The following ARHGAP18 variants were observed in gnomAD, a reference collection of about 807,000 sequenced individuals.
ARHGAP18 encodes the protein rho GTPase-activating protein 18.
Under a neutral mutation model 86.2 loss-of-function variants are expected in ARHGAP18, and 67 were observed. The observed-to-expected ratio is 0.78, with a 90% CI of 0.64 to 0.95. The LOEUF is 0.95. Among genes scored for constraint, ARHGAP18 ranks in the 40% least tolerant of loss-of-function variants. The pLI, the probability that ARHGAP18 is intolerant of heterozygous loss-of-function variation, is 0.00. For missense variants in ARHGAP18, 691 were observed against 780.4 expected (o/e 0.89, Z 1.37); for synonymous variants, 283 against 280.4 (o/e 1.01, Z -0.09).
At chr6:129,624,891 G>A (rs543087844) in intron 5 of ARHGAP18, among the ~76,000 whole-genome samples, 1 of 147,582 alleles carries the variant, frequency 6.8e-6, no homozygotes, top group South Asian at 2.1e-4. Flanking sequence ...GTTGCAGTGA[G>A]CTGAGATCAC....
intron 1 of ARHGAP18, among the ~76,000 whole-genome samples, chr6:129,701,098 T>C (rs1034332626): frequency 1.3e-5 from 2 of 152,132 alleles, no homozygotes; most frequent in Non-Finnish European, 2.9e-5. Context: ...AAAAGTTTAC[T>C]ATGACAACTC....
intron 5 of ARHGAP18, among the ~76,000 whole-genome samples, chr6:129,626,154 G>A (rs1278281904): frequency 6.8e-6 from 1 of 146,424 alleles, no homozygotes; most frequent in Non-Finnish European, 1.5e-5. Context: ...GCCATAGGGG[G>A]ACTGACTCAA....
intron 12 of ARHGAP18, among the ~76,000 whole-genome samples, chr6:129,592,311 A>G (rs1359756426): frequency 1.3e-5 from 2 of 152,208 alleles, no homozygotes; most frequent in African/African-American, 4.8e-5. Context: ...CAGAGATGCA[A>G]TTCTAAACAG....
chr6:129,708,679 G>T (rs566577082), intron 1 of ARHGAP18, among the ~76,000 whole-genome samples: 1 of 152,338 alleles, frequency 6.6e-6, no homozygotes, highest in South Asian at 2.1e-4. Context: ...AATGTCCTGA[G>T]CTTGTATAAT....
intron 1 of ARHGAP18, among the ~76,000 whole-genome samples, chr6:129,670,414 T>C (rs549539002): frequency 2.7e-4 from 41 of 152,186 alleles, no homozygotes; most frequent in Non-Finnish European, 5.4e-4. Context: ...GATGGAGAAA[T>C]TCTCTATTTC....
chr6:129,653,929 G>C (rs1773773019), intron 1 of ARHGAP18, among the ~76,000 whole-genome samples: 1 of 152,136 alleles, frequency 6.6e-6, no homozygotes, highest in Non-Finnish European at 1.5e-5. Flanking sequence ...TGTAGTCCCA[G>C]CTACTCAGGA....
chr6:129,600,984 G>T, intron 10 of ARHGAP18, 136 bp from the exon 11 acceptor site: 1 of 721,018 alleles, frequency 1.4e-6, no homozygotes, highest in Non-Finnish European at 2.2e-6. Flanking sequence ...CATCCAGCAG[G>T]CCCTGTTACC....
At chr6:129,594,216 G>A (rs1410232257) in intron 12 of ARHGAP18, among the ~76,000 whole-genome samples, 1 of 152,186 alleles carries the variant, frequency 6.6e-6, no homozygotes, top group Non-Finnish European at 1.5e-5. Flanking sequence ...CATTGACAAT[G>A]CTTTGGGGAA....
intron 1 of ARHGAP18, among the ~76,000 whole-genome samples, chr6:129,648,779 C>T (rs545786614): frequency 3.0e-4 from 45 of 149,070 alleles, no homozygotes; most frequent in African/African-American, 1.1e-3. Context: ...TCTTTCATTT[C>T]AGCAGCGATA....
At position 129,653,667 on chromosome 6, in the gene ARHGAP18, T is replaced by G. The variant is rs9402158; in HGVS notation, c.114-11649A>C. 4.6e-5 allele frequency among the ~76,000 whole-genome samples: 7 copies of G among 152,348 alleles called. No individual in the cohort carries two copies. The East Asian group carries it at 1.3e-3, about 29-fold the overall frequency. On this transcript the variant is annotated intron_variant, in intron 1 of 14. Transcript: ENST00000368149. ...CTTAAGTGAGATTATCTAAAGCCACTTTTTTCTTAGCATGTTTGAAATGCT... is the reference window on the plus strand; with the variant it reads ...CTTAAGTGAGATTATCTAAAGCCACGTTTTTCTTAGCATGTTTGAAATGCT...
intron 10 of ARHGAP18, among the ~76,000 whole-genome samples, chr6:129,602,311 T>C (rs9492350): frequency 0.035 from 5,362 of 152,240 alleles, 343 homozygotes; most frequent in African/African-American, 0.12. Flanking sequence ...CTGGTGGTCA[T>C]ACAGCTAACA....
intron 1 of ARHGAP18, among the ~76,000 whole-genome samples, chr6:129,694,998 C>T (rs551977848): frequency 6.6e-6 from 1 of 152,210 alleles, no homozygotes; most frequent in Non-Finnish European, 1.5e-5. Context: ...GCGACTATTA[C>T]AAAAAAGCCT....
Position 129,610,261 on chromosome 6 carries a change from G to C in ARHGAP18, c.1122+1272C>G, listed in dbSNP as rs115149973. Among the ~76,000 whole-genome samples the C allele has an allele frequency of 3.9e-3, 589 of 152,340 alleles. 4 individuals are homozygous for C. The highest frequency in any genetic ancestry group is 0.013 in the African/African-American group (539 of 41,584). On this transcript the variant is annotated intron_variant, in intron 8 of 14. Coordinates refer to ENST00000368149, the MANE Select transcript of ARHGAP18 (RefSeq NM_033515.3). ...CCTTTACATTTAAATCCCCTGAGGGGATATGCAGTATGCATCCCCTGTAGG... is the reference window on the plus strand; with the variant it reads ...CCTTTACATTTAAATCCCCTGAGGGCATATGCAGTATGCATCCCCTGTAGG...
chr6:129,623,389 A>G (rs1789273283), intron 5 of ARHGAP18, among the ~76,000 whole-genome samples: 1 of 152,200 alleles, frequency 6.6e-6, no homozygotes, highest in African/African-American at 2.4e-5. Flanking sequence ...ACATGTATAC[A>G]CTAAGTAGCT....
At chr6:129,697,787 A>C (rs1774644761) in intron 1 of ARHGAP18, among the ~76,000 whole-genome samples, 1 of 152,204 alleles carries the variant, frequency 6.6e-6, no homozygotes, top group African/African-American at 2.4e-5. Context: ...ATTAACAACC[A>C]ATAATTTATC....
At chr6:129,683,420 G>GT (rs559455399) in intron 1 of ARHGAP18, among the ~76,000 whole-genome samples, 1 of 152,110 alleles carries the variant, frequency 6.6e-6, no homozygotes, top group Admixed American at 6.5e-5. Context: ...AGGGTTGTTG[G>GT]TTTTTTTATC....
chr6:129,621,131 G>T (rs1271790237), intron 5 of ARHGAP18, among the ~76,000 whole-genome samples: 2 of 152,032 alleles, frequency 1.3e-5, no homozygotes, highest in Non-Finnish European at 2.9e-5. Context: ...TTTATTTTCA[G>T]ATATGGTAAG....
intron 5 of ARHGAP18, among the ~76,000 whole-genome samples, chr6:129,623,573 G>A (rs1342377092): frequency 6.6e-6 from 1 of 152,110 alleles, no homozygotes; most frequent in Non-Finnish European, 1.5e-5. Context: ...ATTACATAAA[G>A]CCTACTGCTT....
chr6:129,660,942 A>T (rs1773937139), intron 1 of ARHGAP18, among the ~76,000 whole-genome samples: 1 of 151,704 alleles, frequency 6.6e-6, no homozygotes, highest in East Asian at 1.9e-4. Context: ...GTCTACAATG[A>T]CTTTCTTGTT....
Sources: gnomAD v4.1 joint callset for allele counts (sites outside exome capture counted in the v4.1 genomes callset) on GRCh38, gnomAD v4.1.1 for gene constraint, MANE v1.5 for transcripts, NCBI Gene and HGNC (gene_info 2026-07-23, HGNC 2026-07-21) for gene names.